IL1RAPL1: variants seen among roughly 807,000 people sequenced by gnomAD.
IL1RAPL1 encodes the protein interleukin 1 receptor accessory protein like 1.
A neutral mutation model predicts 48.4 loss-of-function variants in IL1RAPL1; 3 were observed. The ratio of observed to expected loss-of-function variants is 0.06; its 90% CI spans 0.03 to 0.16. The LOEUF is 0.16. Ranked by LOEUF, IL1RAPL1 falls within the 10% of genes least tolerant of loss-of-function variation. The probability of loss-of-function intolerance (pLI) is 1.00; values close to 1 mark genes in which losing one functional copy is unlikely to be tolerated. For synonymous variants in IL1RAPL1, 185 were observed against 187.7 expected (o/e 0.99, Z 0.12); for missense variants, 349 against 530.6 (o/e 0.66, Z 3.36).
chrX:29,646,782 T>C (rs1925341694), intron 5 of IL1RAPL1, among the ~76,000 whole-genome samples: 1 of 110,440 alleles, frequency 9.1e-6, no homozygotes, highest in Admixed American at 9.6e-5. Flanking sequence ...GCAGAAACCT[T>C]ACAGACCAGA....
intron 6 of IL1RAPL1, among the ~76,000 whole-genome samples, chrX:29,703,968 G>T (rs757694180): frequency 9.0e-6 from 1 of 111,635 alleles, no homozygotes; most frequent in South Asian, 3.8e-4. Flanking sequence ...TCTTGCTCAG[G>T]TTAGAGTGCA....
At chrX:29,111,101 TACAA>T (rs1928556034) in intron 2 of IL1RAPL1, among the ~76,000 whole-genome samples, 1 of 111,628 alleles carries the variant, frequency 9.0e-6, no homozygotes, top group Non-Finnish European at 1.9e-5. Context: ...GCATATATGA[TACAA>T]AGAATAATAA....
intron 6 of IL1RAPL1, among the ~76,000 whole-genome samples, chrX:29,875,112 A>T (rs1931876166): frequency 8.9e-6 from 1 of 111,910 alleles, no homozygotes; most frequent in African/African-American, 3.2e-5. Context: ...TGATCAAATT[A>T]TTGTTTATAT....
At chrX:28,600,664 G>T (rs187764488) in intron 1 of IL1RAPL1, among the ~76,000 whole-genome samples, 1 of 111,448 alleles carries the variant, frequency 9.0e-6, no homozygotes, top group Non-Finnish European at 1.9e-5. Context: ...GAACTGAGTG[G>T]TAGTGGAATA....
At chrX:29,897,307 TTTA>T (rs1050842309) in intron 6 of IL1RAPL1, among the ~76,000 whole-genome samples, 3 of 106,397 alleles carry the variant, frequency 2.8e-5, no homozygotes, top group African/African-American at 6.5e-5. Context: ...CCAGTTTCTA[TTTA>T]TTTTTTTTTC....
At chrX:29,012,679 T>C (rs1926151860) in intron 2 of IL1RAPL1, among the ~76,000 whole-genome samples, 1 of 112,059 alleles carries the variant, frequency 8.9e-6, no homozygotes, top group South Asian at 3.7e-4. Flanking sequence ...TGAGAAGGGA[T>C]GAGACAATGG....
rs764024073 is a variant in IL1RAPL1, at chrX:28,713,202, C to T, written c.-24-76118C>T. Among the ~76,000 whole-genome samples, 4 of 109,918 alleles carry T rather than the reference C, an allele frequency of 3.6e-5. No individual in the cohort carries two copies. The South Asian group carries it at 1.6e-3, about 44-fold the overall frequency. On this transcript the variant is annotated intron_variant, in intron 1 of 10. Coordinates refer to ENST00000378993, the MANE Select transcript of IL1RAPL1 (RefSeq NM_014271.4). The stretch of plus-strand genomic sequence containing the variant: ...CCGAGTAGCTGGGACTACAGGTGCC[C>T]GCCACCATGCCCAGCTAATTTTTTT...
At chrX:29,735,443 T>A (rs1408701845) in intron 6 of IL1RAPL1, among the ~76,000 whole-genome samples, 7 of 112,103 alleles carry the variant, frequency 6.2e-5, no homozygotes, top group Admixed American at 3.8e-4. Flanking sequence ...CATATTCAGA[T>A]TCTGGGGATG....
intron 1 of IL1RAPL1, among the ~76,000 whole-genome samples, chrX:28,608,373 C>T (rs750481906): frequency 1.3e-4 from 14 of 111,887 alleles, no homozygotes; most frequent in Admixed American, 2.9e-4. Context: ...GGCCAGACCA[C>T]GGGAAATGAC....
chrX:29,477,810 A>G (rs1207112437), intron 5 of IL1RAPL1, among the ~76,000 whole-genome samples: 1 of 111,988 alleles, frequency 8.9e-6, no homozygotes, highest in Non-Finnish European at 1.9e-5. Flanking sequence ...TGCTCAGTAC[A>G]TTTAAAACTT....
chrX:29,384,447 A>C (rs994719858), intron 3 of IL1RAPL1, among the ~76,000 whole-genome samples: 6 of 111,890 alleles, frequency 5.4e-5, no homozygotes, highest in African/African-American at 9.7e-5. Context: ...TGACTCTTAC[A>C]ATGTTATGGA....
chrX:28,601,960 CCAGACGTGGTGGCG>C (rs1385908107), intron 1 of IL1RAPL1, among the ~76,000 whole-genome samples: 4 of 109,640 alleles, frequency 3.6e-5, no homozygotes, highest in Non-Finnish European at 7.6e-5. Context: ...TAAAAATTAG[CCAGACGTGGTGGCG>C]CACGCCTGTA....
intron 2 of IL1RAPL1, among the ~76,000 whole-genome samples, chrX:28,955,115 G>T (rs779200848): frequency 1.8e-5 from 2 of 111,434 alleles, no homozygotes; most frequent in African/African-American, 3.3e-5. Flanking sequence ...GGCTCTGGGT[G>T]CACTGGAAAT....
chrX:29,839,304 A>G (rs759301269), intron 6 of IL1RAPL1, among the ~76,000 whole-genome samples: 22 of 112,334 alleles, frequency 2.0e-4, no homozygotes, highest in South Asian at 7.5e-4. Context: ...CACCTGGCAC[A>G]TTGGAGACAC....
intron 1 of IL1RAPL1, among the ~76,000 whole-genome samples, chrX:28,754,734 C>T (rs778613170): frequency 7.6e-4 from 85 of 112,084 alleles, no homozygotes; most frequent in Non-Finnish European, 1.4e-3. Flanking sequence ...ATTGTGACCA[C>T]GGATAACTTC....
rs773470926 is a variant in IL1RAPL1, at chrX:29,901,787, A to AATAAATCAAGAAAG, written c.779-15676_779-15663dup. ...AGATGAGAAAGCACTGTAAGAGTTA[A>AATAAATCAAGAAAG]ATAAATCAAGAAAGGATTTGGAATA... is the stretch of plus-strand genomic sequence containing the variant. On this transcript the variant is annotated intron_variant, in intron 6 of 10. Coordinates refer to ENST00000378993, the MANE Select transcript of IL1RAPL1 (RefSeq NM_014271.4). Among the ~76,000 whole-genome samples the AATAAATCAAGAAAG allele has an allele frequency of 1.7e-3, 191 of 112,393 alleles. 1 individual carries two copies. The highest frequency in any genetic ancestry group is 5.9e-3 in the African/African-American group (183 of 30,964).
chrX:29,069,628 A>AAC (rs56373899), intron 2 of IL1RAPL1, among the ~76,000 whole-genome samples: 17,566 of 83,370 alleles, frequency 0.21, 1,942 homozygotes, highest in East Asian at 0.4. Flanking sequence ...TTTCCTATAG[A>AAC]ACACACACAC....
At chrX:29,954,460 C>T in intron 9 of IL1RAPL1, 62 bp from the exon 10 acceptor site, 1 of 974,550 alleles carries the variant, frequency 1.0e-6, no homozygotes, top group East Asian at 3.1e-5. Context: ...TGCATGTTTT[C>T]ATGTCCTATT....
chrX:28,744,309 G>A (rs1176046177), intron 1 of IL1RAPL1, among the ~76,000 whole-genome samples: 2 of 111,560 alleles, frequency 1.8e-5, no homozygotes, highest in South Asian at 3.7e-4. Context: ...TATGTTAAAA[G>A]TTCCAGGCCT....
Sources: allele counts gnomAD v4.1 joint callset (sites outside exome capture counted in the v4.1 genomes callset), GRCh38; gene constraint gnomAD v4.1.1; transcripts MANE v1.5; gene names NCBI Gene and HGNC (gene_info 2026-07-23, HGNC 2026-07-21).